ORC2: variants seen among roughly 807,000 people sequenced by gnomAD.
ORC2 encodes origin recognition complex subunit 2.
A neutral mutation model predicts 77.7 loss-of-function variants in ORC2; 37 were observed. The observed-to-expected ratio is 0.48, with a 90% CI of 0.37 to 0.63. The LOEUF (loss-of-function observed/expected upper bound fraction) is 0.63. ORC2 is among the 20% of genes least tolerant of loss of function. The pLI is 0.00. For synonymous variants in ORC2, 201 were observed against 229.5 expected (o/e 0.88, Z 1.12); for missense variants, 557 against 661.9 (o/e 0.84, Z 1.74).
At chr2:200,958,868 G>A (rs2041520273) in intron 2 of ORC2, among the ~76,000 whole-genome samples, 1 of 152,174 alleles carries the variant, frequency 6.6e-6, no homozygotes, top group African/African-American at 2.4e-5. Flanking sequence ...AATAACTAAT[G>A]ATGATTTTAA....
chr2:200,929,213 A>T (rs932988638), intron 11 of ORC2, among the ~76,000 whole-genome samples: 24 of 152,310 alleles, frequency 1.6e-4, no homozygotes, highest in African/African-American at 5.8e-4. Context: ...GGCCTCCCAA[A>T]GTGCTGGAAT....
At chr2:200,956,045 A>C (rs750815751) in intron 4 of ORC2, among the ~76,000 whole-genome samples, 2 of 152,216 alleles carry the variant, frequency 1.3e-5, no homozygotes, top group Non-Finnish European at 2.9e-5. Context: ...AGGTATTTTA[A>C]ATAAGTTAAA....
chr2:200,928,609 C>T (rs950565939), intron 11 of ORC2, among the ~76,000 whole-genome samples: 2 of 151,770 alleles, frequency 1.3e-5, no homozygotes, highest in Non-Finnish European at 2.9e-5. Flanking sequence ...GTCAGGAGAT[C>T]GAGACCATCT....
intron 15 of ORC2, among the ~76,000 whole-genome samples, chr2:200,914,392 TC>T (rs2124927357): frequency 6.6e-6 from 1 of 152,256 alleles, no homozygotes; most frequent in African/African-American, 2.4e-5. Flanking sequence ...GGTCTCGATC[TC>T]CTGATCTCGT....
intron 10 of ORC2, among the ~76,000 whole-genome samples, chr2:200,933,179 T>C (rs913947952): frequency 6.6e-6 from 1 of 152,014 alleles, no homozygotes; most frequent in Non-Finnish European, 1.5e-5. Context: ...GATGGTTCTG[T>C]CTCCTCTCAC....
Position 200,913,367 on chromosome 2 carries a change from G to A in ORC2, c.1575C>T (p.Leu525=), listed in dbSNP as rs2040584282. The A allele has an allele frequency of 1.9e-6, 3 of 1,599,956 alleles. No homozygotes were observed. The highest frequency in any genetic ancestry group is 1.3e-5 in the African/African-American group (1 of 74,664). The change falls in exon 17 of 18, where the codon CTC becomes CTT. Residue 525 remains leucine, a synonymous_variant. Coordinates refer to ENST00000234296, the MANE Select transcript of ORC2 (RefSeq NM_006190.5). ...CCCGGAGTGTCAGATCACTATTGAC[G>A]AGGAATGCCTCCCGACACTGCTGGT... is the stretch of plus-strand genomic sequence containing the variant. The part of the protein sequence containing the change: ...DFYQQCREAF[L]VNSDLTLRAQ...
At position 200,958,022 on chromosome 2, in the gene ORC2, C is replaced by G. The variant is rs780194951; in HGVS notation, c.94+8G>C. 4.0e-6 allele frequency: 6 copies of G among 1,518,228 alleles called. No individual in the cohort carries two copies. The Admixed American group carries it at 1.0e-4, about 25-fold the overall frequency. The allele number at this position is 1,518,228 out of a possible 1,614,324, so 94.0% of individuals were successfully genotyped here. ...AGCATCTCTTCAAATTGTACAATCA[C>G]TTAATACCTCCTTCTCTATCTAGAA... is the stretch of plus-strand genomic sequence containing the variant. On this transcript the variant is annotated splice_region_variant and intron_variant, in intron 3 of 17. Coordinates refer to ENST00000234296, the MANE Select transcript of ORC2 (RefSeq NM_006190.5).
At chr2:200,920,889 GA>G (rs1251215973) in intron 14 of ORC2, 103 bp downstream of exon 14, 7 of 717,190 alleles carry the variant, frequency 9.8e-6, no homozygotes, top group Middle Eastern at 3.7e-4. Context: ...TGTAAAAGGG[GA>G]AAAAGCGTAC....
At chr2:200,932,813 A>G (rs1233088017) in intron 10 of ORC2, among the ~76,000 whole-genome samples, 1 of 152,180 alleles carries the variant, frequency 6.6e-6, no homozygotes, top group African/African-American at 2.4e-5. Flanking sequence ...AACATGCCTC[A>G]GCTAGCCTGC....
intron 11 of ORC2, among the ~76,000 whole-genome samples, 198 bp downstream of exon 11, chr2:200,931,139 CTG>C (rs1263897993): frequency 6.6e-6 from 1 of 151,980 alleles, no homozygotes; most frequent in African/African-American, 2.4e-5. Context: ...TTCTTAAAAA[CTG>C]TAGAATTTCT....
intron 7 of ORC2, among the ~76,000 whole-genome samples, chr2:200,939,585 C>T (rs533700192): frequency 1.3e-5 from 2 of 152,156 alleles, no homozygotes; most frequent in Non-Finnish European, 2.9e-5. Context: ...CCTAAAATAT[C>T]ATGTCCCTAA....
intron 17 of ORC2, 54 bp from the exon 18 acceptor site, chr2:200,911,441 T>C: frequency 1.1e-6 from 1 of 949,688 alleles, no homozygotes; most frequent in Non-Finnish European, 1.7e-6. Context: ...GTATATGAAC[T>C]CTTCTATTGT....
chr2:200,925,471 G>A (rs556234789), intron 13 of ORC2, among the ~76,000 whole-genome samples: 1 of 152,300 alleles, frequency 6.6e-6, no homozygotes, highest in African/African-American at 2.4e-5. Flanking sequence ...CAGGTGTGGT[G>A]GCTCACACCT....
chr2:200,957,879 A>G, intron 3 of ORC2, 151 bp downstream of exon 3: 3 of 523,776 alleles, frequency 5.7e-6, no homozygotes, highest in Non-Finnish European at 6.6e-6. Flanking sequence ...AAAGAATTAA[A>G]CTAAAAATTA....
chr2:200,917,636 G>A (rs2040679497), intron 15 of ORC2, among the ~76,000 whole-genome samples: 1 of 152,158 alleles, frequency 6.6e-6, no homozygotes, highest in Non-Finnish European at 1.5e-5. Context: ...ACACACACGA[G>A]TGCAGCATGT....
chr2:200,910,619 T>C lies in ORC2; in HGVS notation c.*682A>G, dbSNP rs1012432130. On this transcript the variant is annotated 3_prime_UTR_variant, in exon 18 of 18. Coordinates refer to ENST00000234296, the MANE Select transcript of ORC2 (RefSeq NM_006190.5). ...ACAGACAATAACTGTTCCAAATATA[T>C]GACGTATTGTTCCTGTGCTTTCTAG... 1.3e-5 allele frequency: 2 copies of C among 152,194 alleles called. No individual in the cohort carries two copies. The highest frequency in any genetic ancestry group is 2.9e-5 in the Non-Finnish European group (2 of 68,032). The allele number at this position is 152,194 out of a possible 1,614,324, so 9.4% of individuals were successfully genotyped here.
intron 6 of ORC2, among the ~76,000 whole-genome samples, chr2:200,941,766 C>T (rs1361979847): frequency 1.3e-5 from 2 of 152,090 alleles, no homozygotes; most frequent in Admixed American, 1.3e-4. Context: ...GCAGGAGGAT[C>T]GCTTGAGGTC....
At chr2:200,962,809 T>A (rs2041604865) in intron 1 of ORC2, among the ~76,000 whole-genome samples, 1 of 152,190 alleles carries the variant, frequency 6.6e-6, no homozygotes, top group Non-Finnish European at 1.5e-5. Flanking sequence ...GCAATTTAAC[T>A]GCGGGAAAGT....
intron 9 of ORC2, among the ~76,000 whole-genome samples, chr2:200,934,307 A>G (rs2040994729): frequency 6.6e-6 from 1 of 151,712 alleles, no homozygotes; most frequent in Non-Finnish European, 1.5e-5. Flanking sequence ...TCCTCAAGTA[A>G]GTCTTTTTTT....
Sources: gnomAD v4.1 joint callset for allele counts (sites outside exome capture counted in the v4.1 genomes callset) on GRCh38, gnomAD v4.1.1 for gene constraint, MANE v1.5 for transcripts, NCBI Gene and HGNC (gene_info 2026-07-23, HGNC 2026-07-21) for gene names.